The following MLLT3 variants were observed in gnomAD, a reference collection of about 807,000 sequenced individuals.
MLLT3 encodes MLLT3 super elongation complex subunit.
A neutral mutation model predicts 53.2 loss-of-function variants in MLLT3; 4 were observed. The observed-to-expected ratio is 0.08, with a 90% CI of 0.04 to 0.17. MLLT3 has a LOEUF of 0.17. Ranked by LOEUF, MLLT3 falls within the 10% of genes least tolerant of loss-of-function variation. MLLT3 has a pLI of 1.00. For synonymous variants in MLLT3, 283 were observed against 230.6 expected (o/e 1.23, Z -2.06); for missense variants, 569 against 684.0 (o/e 0.83, Z 1.87).
At chr9:20,469,041 G>A (rs1563977771) in intron 2 of MLLT3, among the ~76,000 whole-genome samples, 1 of 152,044 alleles carries the variant, frequency 6.6e-6, no homozygotes, top group Non-Finnish European at 1.5e-5. Flanking sequence ...AAATAAAACA[G>A]GAAATACTAA....
chr9:20,468,094 T>C (rs776028707), intron 2 of MLLT3, among the ~76,000 whole-genome samples: 67 of 152,198 alleles, frequency 4.4e-4, no homozygotes, highest in Admixed American at 4.6e-4. Context: ...TGCTATTGCC[T>C]ACTTCATATA....
chr9:20,544,061 G>A (rs548688930), intron 2 of MLLT3, among the ~76,000 whole-genome samples: 2 of 152,160 alleles, frequency 1.3e-5, no homozygotes, highest in Admixed American at 6.5e-5. Context: ...TTATAGATAT[G>A]GACAAATGAT....
intron 2 of MLLT3, among the ~76,000 whole-genome samples, chr9:20,548,467 G>A (rs995731579): frequency 6.6e-6 from 1 of 152,140 alleles, no homozygotes; most frequent in Non-Finnish European, 1.5e-5. Context: ...TTTCCAGGGG[G>A]GTGCTAAATA....
Position 20,343,832 on chromosome 9 carries a change from C to G in MLLT3, c.*2611G>C, listed in dbSNP as rs974958799. Reference sequence around the variant, plus strand: ...TGTCAAAGATATTCTTAATAGGCTTCAAAGTTGGGTGTATATAAATGTGAC... The same window carrying G: ...TGTCAAAGATATTCTTAATAGGCTTGAAAGTTGGGTGTATATAAATGTGAC... On this transcript the variant is annotated 3_prime_UTR_variant, in exon 11 of 11. Transcript: ENST00000380338. The G allele has an allele frequency of 1.4e-5, 3 of 209,952 alleles. No individual in the cohort carries two copies. The highest frequency in any genetic ancestry group is 4.5e-5 in the African/African-American group (2 of 44,114). The allele number at this position is 209,952 out of a possible 1,614,324, so 13.0% of individuals were successfully genotyped here. A position where few individuals can be genotyped will look rare whatever the true frequency, so the allele number is the denominator to read the frequency against.
At chr9:20,538,009 T>C (rs528057149) in intron 2 of MLLT3, among the ~76,000 whole-genome samples, 49 of 152,270 alleles carry the variant, frequency 3.2e-4, no homozygotes, top group African/African-American at 1.1e-3. Flanking sequence ...TATTAAAAGA[T>C]TTGGAAACCT....
At chr9:20,583,824 G>C (rs1819871963) in intron 2 of MLLT3, among the ~76,000 whole-genome samples, 1 of 152,178 alleles carries the variant, frequency 6.6e-6, no homozygotes, top group Admixed American at 6.5e-5. Flanking sequence ...CTGGGCATGT[G>C]ATGGAAGGCG....
intron 2 of MLLT3, among the ~76,000 whole-genome samples, chr9:20,591,174 T>C (rs940447638): frequency 1.3e-5 from 2 of 152,220 alleles, no homozygotes; most frequent in Non-Finnish European, 2.9e-5. Context: ...TCTAGTTTTA[T>C]TGTTCTCTCC....
rs1239468211 is a variant in MLLT3 at position 20,363,729 on chromosome 9, T to C, written c.1202-124A>G. The C allele has an allele frequency of 4.7e-6, 4 of 844,504 alleles. No homozygotes were observed. The African/African-American group carries it at 5.3e-5, about 11-fold the overall frequency. 52.3% of individuals were successfully genotyped at this position (844,504 alleles called of 1,614,324 possible). A position where few individuals can be genotyped will look rare whatever the true frequency, so the allele number is the denominator to read the frequency against. ...TAAAAATAATCATCATATATATTTA[T>C]ACAATTTACAAGGCAAATTTGGTAT... On this transcript the variant is annotated intron_variant, in intron 6 of 10. Coordinates refer to ENST00000380338, the MANE Select transcript of MLLT3 (RefSeq NM_004529.4).
rs141326664 is a variant in MLLT3, at chr9:20,380,789, G to A, written c.1126-15045C>T. Among the ~76,000 whole-genome samples, 31 of 152,094 alleles carry A rather than the reference G, an allele frequency of 2.0e-4. No individual in the cohort carries two copies. The East Asian group carries it at 5.8e-3, about 28-fold the overall frequency. ...TTATCTTAGGAACAATGTGAAATGC[G>A]TAACAGAGTACATTCTCTTTTCTAG... On this transcript the variant is annotated intron_variant, in intron 5 of 10. Transcript: ENST00000380338.
intron 2 of MLLT3, among the ~76,000 whole-genome samples, chr9:20,459,854 C>T (rs944807862): frequency 6.6e-6 from 1 of 152,078 alleles, no homozygotes; most frequent in African/African-American, 2.4e-5. Context: ...TAACAATGAA[C>T]AATGTCTGTA....
intron 2 of MLLT3, among the ~76,000 whole-genome samples, chr9:20,560,951 A>G (rs1005978518): frequency 6.6e-6 from 1 of 152,152 alleles, no homozygotes; most frequent in African/African-American, 2.4e-5. Flanking sequence ...CTACCTCGAA[A>G]TATTTGAAAT....
intron 2 of MLLT3, among the ~76,000 whole-genome samples, chr9:20,516,719 G>C (rs1323424439): frequency 6.6e-6 from 1 of 152,154 alleles, no homozygotes; most frequent in Non-Finnish European, 1.5e-5. Flanking sequence ...AATGTAGAAA[G>C]ATTACATGGG....
At chr9:20,619,716 A>G (rs1393817495) in intron 2 of MLLT3, among the ~76,000 whole-genome samples, 2 of 152,246 alleles carry the variant, frequency 1.3e-5, no homozygotes, top group Admixed American at 6.5e-5. Flanking sequence ...GGGAAAAGAA[A>G]TCGGTATTTC....
In MLLT3 at chr9:20,620,353, T is replaced by C. The variant is rs1820964212; in HGVS notation, c.193+301A>G. 6.6e-6 allele frequency among the ~76,000 whole-genome samples: 1 copy of C among 151,054 alleles called. No individual in the cohort carries two copies. The highest frequency in any genetic ancestry group is 1.5e-5 in the Non-Finnish European group (1 of 67,834). ...CCACATCTCCAAACTCAACAACTAA[T>C]TGCACCTTCCCCACAGAACCCGCGG... On this transcript the variant is annotated intron_variant, in intron 2 of 10. Coordinates refer to ENST00000380338, the MANE Select transcript of MLLT3 (RefSeq NM_004529.4). The surrounding 1 kb of genome is among the most constrained non-coding windows in gnomAD (Gnocchi z 6.1).
At chr9:20,581,974 CAATGAAAAATATTTTTAATTTTTT>C (rs1447764441) in intron 2 of MLLT3, among the ~76,000 whole-genome samples, 1 of 152,066 alleles carries the variant, frequency 6.6e-6, no homozygotes, top group African/African-American at 2.4e-5. Flanking sequence ...AATCCAGCCG[CAATGAAAAATATTTTTAATTTTTT>C]ATATTAAATT....
At chr9:20,383,825 G>C (rs887897779) in intron 5 of MLLT3, among the ~76,000 whole-genome samples, 1 of 151,886 alleles carries the variant, frequency 6.6e-6, no homozygotes, top group Non-Finnish European at 1.5e-5. Flanking sequence ...AGCTGATAAA[G>C]TACCTAGTTC....
chr9:20,538,818 C>T (rs1386648202), intron 2 of MLLT3, among the ~76,000 whole-genome samples: 1 of 152,120 alleles, frequency 6.6e-6, no homozygotes, highest in African/African-American at 2.4e-5. Flanking sequence ...TCCAGATCAC[C>T]ACAACAAAGC....
chr9:20,373,654 C>T (rs16938039), intron 5 of MLLT3, among the ~76,000 whole-genome samples: 27,882 of 152,046 alleles, frequency 0.18, 6,252 homozygotes, highest in African/African-American at 0.53. Context: ...ACTAGTTAAA[C>T]AGAAATGATT....
At position 20,543,597 on chromosome 9, in the gene MLLT3, G is replaced by A. The variant is rs150657162; in HGVS notation, c.193+77057C>T. Among the ~76,000 whole-genome samples, 747 of 151,996 alleles carry A rather than the reference G, an allele frequency of 4.9e-3. 4 individuals carry two copies. Among genetic ancestry groups the A allele is most frequent in the African/African-American group, 0.014 (589 of 41,418 alleles). On this transcript the variant is annotated intron_variant, in intron 2 of 10. Transcript: ENST00000380338. Reference sequence around the variant, plus strand: ...TTTGAGTCTACAGCGGGCTATGATCGTGCCGGTATACTCCAACCTGGGCAG... The same window carrying A: ...TTTGAGTCTACAGCGGGCTATGATCATGCCGGTATACTCCAACCTGGGCAG...
Sources: allele counts gnomAD v4.1 joint callset (sites outside exome capture counted in the v4.1 genomes callset), GRCh38; gene constraint gnomAD v4.1.1; non-coding constraint Gnocchi (gnomAD v3.1); transcripts MANE v1.5; gene names NCBI Gene and HGNC (gene_info 2026-07-23, HGNC 2026-07-21).